The following TTC29 variants were observed in gnomAD, a reference collection of about 807,000 sequenced individuals.
TTC29 encodes tetratricopeptide repeat domain 29.
A neutral mutation model predicts 58.1 loss-of-function variants in TTC29; 49 were observed. The ratio of observed to expected loss-of-function variants is 0.84; its 90% confidence interval spans 0.67 to 1.07. The LOEUF (loss-of-function observed/expected upper bound fraction) is 1.07, where lower values mean the gene tolerates loss of function less well. TTC29 is among the 50% of genes least tolerant of loss of function. The probability of loss-of-function intolerance (pLI) is 0.00; values close to 1 mark genes in which losing one functional copy is unlikely to be tolerated. For missense variants in TTC29, 582 were observed against 555.6 expected (o/e 1.05, Z -0.48); for synonymous variants, 209 against 196.8 (o/e 1.06, Z -0.52).
chr4:146,935,049 T>C (rs2150325620), intron 4 of TTC29, among the ~76,000 whole-genome samples: 1 of 152,066 alleles, frequency 6.6e-6, no homozygotes, highest in Non-Finnish European at 1.5e-5. Flanking sequence ...TAGAAATGAA[T>C]ACCAGTGAGA....
At chr4:146,859,646 T>C (rs557540738) in intron 8 of TTC29, among the ~76,000 whole-genome samples, 1 of 151,938 alleles carries the variant, frequency 6.6e-6, no homozygotes, top group Admixed American at 6.6e-5. Context: ...AGAGTCAAGA[T>C]TTATTGACCT....
intron 6 of TTC29, 22 bp from the exon 7 acceptor site, chr4:146,874,950 T>C (rs1309444192): frequency 5.6e-6 from 9 of 1,601,284 alleles, no homozygotes; most frequent in South Asian, 3.3e-5. Flanking sequence ...AAGCCATTCA[T>C]AAGTATAAAC....
chr4:146,846,010 G>A (rs75033583), intron 8 of TTC29, among the ~76,000 whole-genome samples: 1,587 of 152,194 alleles, frequency 0.01, 14 homozygotes, highest in Non-Finnish European at 0.017. Flanking sequence ...ATTGTTGAAT[G>A]ACTATTGTAG....
chr4:146,901,193 A>G lies in TTC29; in HGVS notation c.586+2351T>C, dbSNP rs541709235. On this transcript the variant is annotated intron_variant, in intron 6 of 12. Transcript: ENST00000325106. ...GTTTGAAAATTAAAACTTGACTTTTAGCAACAGGCTAGAAATTTTTAACAA... is the reference window on the plus strand; with the variant it reads ...GTTTGAAAATTAAAACTTGACTTTTGGCAACAGGCTAGAAATTTTTAACAA... Among the ~76,000 whole-genome samples the G allele has an allele frequency of 2.0e-5, 3 of 152,334 alleles. No individual in the cohort carries two copies. In the East Asian group the frequency reaches 5.8e-4, roughly 29 times the overall value.
intron 9 of TTC29, among the ~76,000 whole-genome samples, chr4:146,823,413 T>C (rs1414735153): frequency 6.6e-6 from 1 of 152,200 alleles, no homozygotes; most frequent in Non-Finnish European, 1.5e-5. Flanking sequence ...CAGATGATTG[T>C]AGATGTGTGG....
At chr4:146,835,309 T>A (rs1447934151) in intron 8 of TTC29, among the ~76,000 whole-genome samples, 1 of 152,112 alleles carries the variant, frequency 6.6e-6, no homozygotes, top group African/African-American at 2.4e-5. Flanking sequence ...ACATAACAAG[T>A]AGCACTTAGA....
chr4:146,908,242 C>T (rs575954618), intron 5 of TTC29, among the ~76,000 whole-genome samples: 1 of 151,950 alleles, frequency 6.6e-6, no homozygotes, highest in Admixed American at 6.6e-5. Flanking sequence ...GTATTTTCCC[C>T]AAAAAATTTG....
chr4:146,778,962 T>C (rs1402099323), intron 11 of TTC29, among the ~76,000 whole-genome samples: 1 of 105,598 alleles, frequency 9.5e-6, no homozygotes, highest in African/African-American at 4.1e-5. Flanking sequence ...ACTGCACTTG[T>C]ACTCCTAAAT....
At chr4:146,862,063 C>T (rs960897733) in intron 8 of TTC29, among the ~76,000 whole-genome samples, 2 of 152,074 alleles carry the variant, frequency 1.3e-5, no homozygotes, top group Non-Finnish European at 2.9e-5. Context: ...TATGACAGGA[C>T]CATCAGTAGT....
chr4:146,717,128 A>G (rs1742992194), intron 11 of TTC29, among the ~76,000 whole-genome samples: 1 of 152,200 alleles, frequency 6.6e-6, no homozygotes, highest in Non-Finnish European at 1.5e-5. Flanking sequence ...GGAGTAAAAT[A>G]TTAATAGCAT....
chr4:146,893,228 T>A (rs1176701528), intron 6 of TTC29, among the ~76,000 whole-genome samples: 3 of 152,034 alleles, frequency 2.0e-5, no homozygotes, highest in Non-Finnish European at 4.4e-5. Flanking sequence ...ACCAAGTCAA[T>A]CCTAAGCCAA....
chr4:146,827,078 C>T lies in TTC29; in HGVS notation c.977+6728G>A, dbSNP rs144949585. On this transcript the variant is annotated intron_variant, in intron 9 of 12. Transcript: ENST00000325106. ...TTTAGCTCATCGTAGTTTTTTATTACCTATCTTCTGTAGCCTACTTCTGCC... is the reference window on the plus strand; with the variant it reads ...TTTAGCTCATCGTAGTTTTTTATTATCTATCTTCTGTAGCCTACTTCTGCC... Among the ~76,000 whole-genome samples, 451 of 152,010 alleles carry T rather than the reference C, an allele frequency of 3.0e-3. 1 individual carries two copies. Among genetic ancestry groups the T allele is most frequent in the Middle Eastern group, 0.014 (4 of 294 alleles).
chr4:146,862,689 A>T (rs941909995), intron 8 of TTC29, among the ~76,000 whole-genome samples: 1 of 152,210 alleles, frequency 6.6e-6, no homozygotes, highest in Non-Finnish European at 1.5e-5. Context: ...TTCTGTCAAA[A>T]TGTAGGCTCT....
At position 146,945,066 on chromosome 4, in the gene TTC29, A is replaced by G. The variant is rs1736801481; in HGVS notation, c.-42T>C. 2 of 152,368 alleles carry G rather than the reference A, an allele frequency of 1.3e-5. No individual in the cohort carries two copies. Among genetic ancestry groups the G allele is most frequent in the Admixed American group, 1.3e-4 (2 of 15,314 alleles). The allele number at this position is 152,368 out of a possible 1,614,324, so 9.4% of individuals were successfully genotyped here. ...TACTGCTGATGGTCTCTCCAGGCTT[A>G]TAGACTTCAGCCTGAAAATCAGGAA... On this transcript the variant is annotated 5_prime_UTR_variant, in exon 2 of 13. Transcript: ENST00000325106.
intron 4 of TTC29, among the ~76,000 whole-genome samples, chr4:146,919,605 C>T (rs543696391): frequency 1.3e-5 from 2 of 151,136 alleles, no homozygotes; most frequent in Non-Finnish European, 3.0e-5. Context: ...ATGATATTCA[C>T]TCTGTTGTGT....
At chr4:146,743,682 C>T (rs1167674952) in intron 11 of TTC29, among the ~76,000 whole-genome samples, 1 of 152,174 alleles carries the variant, frequency 6.6e-6, no homozygotes, top group Non-Finnish European at 1.5e-5. Context: ...GCTTTGATTT[C>T]CTTCTGCTGA....
chr4:146,779,346 T>C lies in TTC29; in HGVS notation c.1330+24111A>G, dbSNP rs1256166781. Reference sequence around the variant, plus strand: ...AATTTTCAAACTTTTCCAAATGATGTATAATGTTACCAATGTCTAGGTATA... The same window carrying C: ...AATTTTCAAACTTTTCCAAATGATGCATAATGTTACCAATGTCTAGGTATA... On this transcript the variant is annotated intron_variant, in intron 11 of 12. Transcript: ENST00000325106. Among the ~76,000 whole-genome samples, 4 of 152,264 alleles carry C rather than the reference T, an allele frequency of 2.6e-5. 1 individual carries two copies. In the South Asian group the frequency reaches 6.2e-4, roughly 24 times the overall value.
intron 11 of TTC29, among the ~76,000 whole-genome samples, chr4:146,725,655 C>T (rs1743731594): frequency 6.6e-6 from 1 of 152,082 alleles, no homozygotes; most frequent in South Asian, 2.1e-4. Context: ...TCTATCTGTC[C>T]ATTATATCTG....
At chr4:146,780,935 T>C (rs1420874273) in intron 11 of TTC29, among the ~76,000 whole-genome samples, 1 of 152,010 alleles carries the variant, frequency 6.6e-6, no homozygotes, top group African/African-American at 2.4e-5. Context: ...TATAAAAATA[T>C]CCTGACAGTC....
Sources: gnomAD v4.1 joint callset for allele counts (sites outside exome capture counted in the v4.1 genomes callset) on GRCh38, gnomAD v4.1.1 for gene constraint, MANE v1.5 for transcripts, NCBI Gene and HGNC (gene_info 2026-07-23, HGNC 2026-07-21) for gene names.